Variants in TBC1D9 observed in about 807,000 individuals in gnomAD.
TBC1D9 encodes TBC1 domain family member 9A.
TBC1D9 carries 63 observed loss-of-function variants against 132.0 expected under a neutral mutation model. The ratio of observed to expected loss-of-function variants is 0.48; its 90% CI spans 0.39 to 0.59. TBC1D9 has a LOEUF of 0.59. TBC1D9 is among the 20% of genes least tolerant of loss of function. The pLI is 0.00. For missense variants in TBC1D9, 1,261 were observed against 1,592.7 expected (o/e 0.79, Z 3.54); for synonymous variants, 610 against 609.9 (o/e 1.00, Z 0.00).
intron 1 of TBC1D9, among the ~76,000 whole-genome samples, chr4:140,704,705 C>A (rs931666932): frequency 1.3e-5 from 2 of 152,192 alleles, no homozygotes; most frequent in Admixed American, 6.5e-5. Context: ...AAAGGTCTAA[C>A]CCAATCCACA....
chr4:140,634,320 G>T, intron 15 of TBC1D9, 132 bp from the exon 16 acceptor site: 1 of 1,269,960 alleles, frequency 7.9e-7, no homozygotes, highest in East Asian at 2.3e-5. Context: ...TGTGGCCTCA[G>T]GGCCCCCTTG....
chr4:140,738,723 TG>T (rs1193416960), intron 1 of TBC1D9, among the ~76,000 whole-genome samples: 2 of 152,222 alleles, frequency 1.3e-5, no homozygotes, highest in Admixed American at 1.3e-4. Flanking sequence ...AGTCTTTCCT[TG>T]TCTAGTCTTC....
chr4:140,745,795 A>G (rs1352356162), intron 1 of TBC1D9, among the ~76,000 whole-genome samples: 1 of 152,166 alleles, frequency 6.6e-6, no homozygotes, highest in Admixed American at 6.5e-5. Flanking sequence ...GTATTTATAA[A>G]TAAATACACA....
intron 1 of TBC1D9, among the ~76,000 whole-genome samples, chr4:140,712,748 A>AATAGATAGATAG (rs58318321): frequency 0.11 from 16,651 of 146,256 alleles, 1,028 homozygotes; most frequent in South Asian, 0.18. Context: ...ATCTCAAAAA[A>AATAGATAGATAG]ATAGATAGAT....
intron 13 of TBC1D9, among the ~76,000 whole-genome samples, chr4:140,655,515 G>T (rs1208536393): frequency 1.3e-5 from 2 of 152,140 alleles, no homozygotes; most frequent in Non-Finnish European, 2.9e-5. Context: ...AGAGAGCATA[G>T]TGCGCTCAGC....
chr4:140,665,275 T>G, intron 9 of TBC1D9, among the ~76,000 whole-genome samples: 1 of 152,122 alleles, frequency 6.6e-6, no homozygotes, highest in East Asian at 1.9e-4. Context: ...TTTTTTGTGC[T>G]TCGAAGGATA....
chr4:140,647,167 C>T (rs966140629), intron 13 of TBC1D9, among the ~76,000 whole-genome samples: 2 of 152,130 alleles, frequency 1.3e-5, no homozygotes, highest in Non-Finnish European at 2.9e-5. Context: ...TTTATTGTAC[C>T]TACAATTGTT....
At chr4:140,747,831 C>T (rs1738861236) in intron 1 of TBC1D9, among the ~76,000 whole-genome samples, 1 of 152,138 alleles carries the variant, frequency 6.6e-6, no homozygotes, top group African/African-American at 2.4e-5. Flanking sequence ...AGGGCTATGA[C>T]CTAATATAAC....
Position 140,679,854 on chromosome 4 carries a change from A to G in TBC1D9, c.361-11T>C. The G allele has an allele frequency of 1.2e-6, 2 of 1,601,288 alleles. No individual in the cohort carries two copies. The highest frequency in any genetic ancestry group is 1.7e-6 in the Non-Finnish European group (2 of 1,171,100). The stretch of plus-strand genomic sequence containing the variant: ...TTCTGCAATGATGCCCTAATAAGGA[A>G]TAAAACACAAAGCACACAACTGGTA... On this transcript the variant is annotated splice_polypyrimidine_tract_variant and intron_variant, in intron 3 of 20. Transcript: ENST00000442267.
chr4:140,727,171 T>C (rs1198079017), intron 1 of TBC1D9, among the ~76,000 whole-genome samples: 1 of 152,242 alleles, frequency 6.6e-6, no homozygotes, highest in Non-Finnish European at 1.5e-5. Context: ...CAGAGCCTAG[T>C]GTGCAAAACA....
Position 140,696,137 on chromosome 4 carries a change from A to T in TBC1D9, c.241+5367T>A, listed in dbSNP as rs1024785220. 7.9e-5 allele frequency among the ~76,000 whole-genome samples: 12 copies of T among 152,262 alleles called. No individual in the cohort carries two copies. In the South Asian group the frequency reaches 2.5e-3, roughly 32 times the overall value. ...AAATGTAAACGATCAACTTCTTCAG[A>T]CCAACTTGGATAAACTAACAGAAGA... On this transcript the variant is annotated intron_variant, in intron 2 of 20. Transcript: ENST00000442267.
chr4:140,731,351 G>A (rs1738586693), intron 1 of TBC1D9, among the ~76,000 whole-genome samples: 1 of 152,036 alleles, frequency 6.6e-6, no homozygotes. Flanking sequence ...TTATTATGTG[G>A]AGTCTCACTG....
chr4:140,672,479 TTTGGTCATGAGGTGTCTGGG>T, intron 6 of TBC1D9, among the ~76,000 whole-genome samples: 1 of 152,142 alleles, frequency 6.6e-6, no homozygotes, highest in East Asian at 1.9e-4. Flanking sequence ...TACTGGCTCT[TTTGGTCATGAGGTGTCTGGG>T]ATAAATGGAA....
chr4:140,716,860 C>T (rs1479370357), intron 1 of TBC1D9, among the ~76,000 whole-genome samples: 1 of 150,516 alleles, frequency 6.6e-6, no homozygotes, highest in Non-Finnish European at 1.5e-5. Context: ...ACACCCTCTA[C>T]AACCCACTAT....
At chr4:140,743,855 G>A (rs187450357) in intron 1 of TBC1D9, among the ~76,000 whole-genome samples, 8 of 152,340 alleles carry the variant, frequency 5.3e-5, no homozygotes, top group Admixed American at 2.6e-4. Context: ...GAAAGGATAT[G>A]CAGTGTCCCT....
chr4:140,672,286 A>G (rs1036962517), intron 6 of TBC1D9, among the ~76,000 whole-genome samples: 1 of 150,372 alleles, frequency 6.7e-6, no homozygotes, highest in African/African-American at 2.4e-5. Flanking sequence ...TATATATTAA[A>G]GGAATCTTCT....
At position 140,622,525 on chromosome 4, in the gene TBC1D9, C is replaced by G; in HGVS notation, c.3471G>C (p.Lys1157Asn). The G allele has an allele frequency of 6.2e-7, 1 of 1,614,070 alleles. No individual in the cohort carries two copies. The highest frequency in any genetic ancestry group is 8.5e-7 in the Non-Finnish European group (1 of 1,179,906). Reference protein sequence around the residue: ...SSMLISDDDTKDDSSMSSYSV... With the variant: ...SSMLISDDDTNDDSSMSSYSV... ...AGTATGAGGACATGGAGCTGTCGTC[C>G]TTGGTGTCGTCGTCAGAGATCAGCA... The change falls in exon 21 of 21, where the codon AAG becomes AAC. Residue 1157 changes from lysine to asparagine, a missense_variant. Physicochemically the swap from Lys to Asn is moderately conservative, Grantham distance 94. Transcript: ENST00000442267.
At chr4:140,737,119 CA>C (rs1044677887) in intron 1 of TBC1D9, among the ~76,000 whole-genome samples, 33 of 152,232 alleles carry the variant, frequency 2.2e-4, no homozygotes, top group African/African-American at 7.9e-4. Flanking sequence ...GCGCAGTGCA[CA>C]GTAGGGTTGG....
intron 13 of TBC1D9, among the ~76,000 whole-genome samples, chr4:140,647,597 C>T (rs1737122137): frequency 6.6e-6 from 1 of 152,174 alleles, no homozygotes; most frequent in Non-Finnish European, 1.5e-5. Context: ...TAATATTAAA[C>T]ATTGGCTTTG....
Sources: allele counts gnomAD v4.1 joint callset (sites outside exome capture counted in the v4.1 genomes callset), GRCh38; gene constraint gnomAD v4.1.1; transcripts MANE v1.5; gene names NCBI Gene and HGNC (gene_info 2026-07-23, HGNC 2026-07-21).